Variants in FARS2 observed in about 807,000 individuals in gnomAD.
FARS2 encodes phenylalanyl-tRNA synthetase 2, mitochondrial.
Under a neutral mutation model 46.4 loss-of-function variants are expected in FARS2, and 40 were observed. That is an observed-to-expected ratio of 0.86 (90% confidence interval 0.67 to 1.12). The LOEUF (loss-of-function observed/expected upper bound fraction) is 1.12. Ranked by LOEUF, FARS2 falls within the 50% of genes most tolerant of loss-of-function variation. The probability of loss-of-function intolerance (pLI) is 0.00; values close to 1 mark genes in which losing one functional copy is unlikely to be tolerated. For synonymous variants in FARS2, 234 were observed against 214.9 expected, an observed-to-expected ratio of 1.09 and a Z score of -0.78; for missense variants, 513 against 567.9, an observed-to-expected ratio of 0.90 and a Z score of 0.98.
rs1234786032 is a variant in FARS2 at position 5,609,968 on chromosome 6, T to C, written c.1066-3201T>C. 5 of 1,266,330 alleles carry C rather than the reference T, an allele frequency of 3.9e-6. No individual in the cohort carries two copies. The African/African-American group carries it at 4.4e-5, about 11-fold the overall frequency. The allele number at this position is 1,266,330 out of a possible 1,614,324, so 78.4% of individuals were successfully genotyped here. A position where few individuals can be genotyped will look rare whatever the true frequency, so the allele number is the denominator to read the frequency against. On this transcript the variant is annotated intron_variant, in intron 5 of 6. Transcript: ENST00000274680. ...GGTTCCACAACTCTTCCATCCACCTTGTGTGGCCTTGCATTCGTGGCTGCT... is the reference window on the plus strand; with the variant it reads ...GGTTCCACAACTCTTCCATCCACCTCGTGTGGCCTTGCATTCGTGGCTGCT...
At chr6:5,694,429 G>A (rs1369847171) in intron 6 of FARS2, among the ~76,000 whole-genome samples, 1 of 152,132 alleles carries the variant, frequency 6.6e-6, no homozygotes, top group African/African-American at 2.4e-5. Context: ...TAGAAATTAT[G>A]GGGAAAGTAG....
chr6:5,251,703 G>T, the FARS2 span, among the ~76,000 whole-genome samples: 9 of 152,322 alleles, frequency 5.9e-5, no homozygotes, highest in East Asian at 1.7e-3. Context: ...TTGCATTTCA[G>T]CATGAGATCT....
intron 1 of FARS2, among the ~76,000 whole-genome samples, chr6:5,324,903 C>G (rs1028887742): frequency 1.3e-5 from 2 of 152,002 alleles, no homozygotes; most frequent in African/African-American, 4.8e-5. Flanking sequence ...ATCCCTGCCT[C>G]CTGAGAGCAT....
intron 6 of FARS2, among the ~76,000 whole-genome samples, chr6:5,748,960 A>G (rs572939299): frequency 1.3e-5 from 2 of 152,356 alleles, no homozygotes; most frequent in South Asian, 2.1e-4. Context: ...GGCGAAGATC[A>G]AATGTTCATT....
At chr6:5,562,469 C>T (rs1340308699) in intron 5 of FARS2, among the ~76,000 whole-genome samples, 1 of 152,074 alleles carries the variant, frequency 6.6e-6, no homozygotes, top group Non-Finnish European at 1.5e-5. Context: ...AGCATCATGA[C>T]AGGATGTTGA....
At chr6:5,483,179 A>C (rs1303370802) in intron 4 of FARS2, among the ~76,000 whole-genome samples, 1 of 152,240 alleles carries the variant, frequency 6.6e-6, no homozygotes. Context: ...TATTCAGTGC[A>C]GTGGATACTA....
intron 2 of FARS2, among the ~76,000 whole-genome samples, chr6:5,396,494 T>G (rs1760911007): frequency 6.6e-6 from 1 of 152,210 alleles, no homozygotes; most frequent in South Asian, 2.1e-4. Flanking sequence ...TTTCACCCCC[T>G]GGGAGATTTA....
intron 1 of FARS2, among the ~76,000 whole-genome samples, chr6:5,302,877 G>A (rs530580015): frequency 7.8e-4 from 119 of 152,328 alleles, no homozygotes; most frequent in African/African-American, 2.8e-3. Context: ...GAGCGGGACT[G>A]TGTGGTTCAT....
At chr6:5,456,499 C>T (rs368363333) in intron 4 of FARS2, among the ~76,000 whole-genome samples, 3 of 151,790 alleles carry the variant, frequency 2.0e-5, no homozygotes, top group East Asian at 3.9e-4. Context: ...TTTGGGAGGC[C>T]GAGGCAGGCG....
At chr6:5,688,992 G>A (rs1757471646) in intron 6 of FARS2, among the ~76,000 whole-genome samples, 1 of 152,170 alleles carries the variant, frequency 6.6e-6, no homozygotes, top group South Asian at 2.1e-4. Flanking sequence ...TTTGCATAGA[G>A]GTGTTTATAG....
chr6:5,479,730 TA>T (rs565325284), intron 4 of FARS2, among the ~76,000 whole-genome samples: 64 of 152,320 alleles, frequency 4.2e-4, no homozygotes, highest in African/African-American at 1.5e-3. Flanking sequence ...CACAGCGATT[TA>T]AAAAAATCAT....
intron 5 of FARS2, among the ~76,000 whole-genome samples, chr6:5,567,057 G>T (rs1250285709): frequency 6.6e-6 from 1 of 152,260 alleles, no homozygotes; most frequent in African/African-American, 2.4e-5. Flanking sequence ...TGGGTTTACA[G>T]TCTATAGTCT....
chr6:5,460,182 C>T (rs1765164161), intron 4 of FARS2, among the ~76,000 whole-genome samples: 1 of 152,136 alleles, frequency 6.6e-6, no homozygotes, highest in South Asian at 2.1e-4. Context: ...TTTCTGTATG[C>T]TTTTCAATAA....
At chr6:5,741,046 G>A (rs959748184) in intron 6 of FARS2, among the ~76,000 whole-genome samples, 1 of 152,126 alleles carries the variant, frequency 6.6e-6, no homozygotes, top group South Asian at 2.1e-4. Context: ...GGTCCCCAAG[G>A]GCCTCTCTGG....
At chr6:5,287,822 G>A (rs1024569812) in intron 1 of FARS2, among the ~76,000 whole-genome samples, 1 of 152,094 alleles carries the variant, frequency 6.6e-6, no homozygotes, top group Non-Finnish European at 1.5e-5. Flanking sequence ...GCCCCATGTG[G>A]CTCCAGTTGT....
intron 6 of FARS2, among the ~76,000 whole-genome samples, chr6:5,739,090 T>C (rs760851842): frequency 6.6e-6 from 1 of 152,206 alleles, no homozygotes; most frequent in Non-Finnish European, 1.5e-5. Context: ...ATTTTGTCCC[T>C]TTAAGAATAT....
At chr6:5,613,096 C>A in intron 5 of FARS2, 73 bp from the exon 6 acceptor site, 1 of 1,388,946 alleles carries the variant, frequency 7.2e-7, no homozygotes, top group African/African-American at 1.4e-5. Flanking sequence ...TCAAGTGCAA[C>A]TTTTTATGAA....
chr6:5,576,311 G>T (rs1041623822), intron 5 of FARS2, among the ~76,000 whole-genome samples: 1 of 151,994 alleles, frequency 6.6e-6, no homozygotes, highest in African/African-American at 2.4e-5. Context: ...CAACTAATCA[G>T]CTGCCAGCAT....
chr6:5,386,988 C>T (rs750601641), intron 2 of FARS2, among the ~76,000 whole-genome samples: 2 of 152,082 alleles, frequency 1.3e-5, no homozygotes, highest in Non-Finnish European at 2.9e-5. Flanking sequence ...GGGCTGAAAA[C>T]GAGTCCCTTG....
Sources: gnomAD v4.1 joint callset for allele counts (sites outside exome capture counted in the v4.1 genomes callset) on GRCh38, gnomAD v4.1.1 for gene constraint, MANE v1.5 for transcripts, NCBI Gene and HGNC (gene_info 2026-07-23, HGNC 2026-07-21) for gene names.